Variants in KIAA1217 observed in about 807,000 individuals in gnomAD.
KIAA1217 encodes KIAA1217.
In KIAA1217, 88 loss-of-function variants were observed where a neutral mutation model predicts 163.9. That is an observed-to-expected ratio of 0.54 (90% CI 0.45 to 0.64). The LOEUF (loss-of-function observed/expected upper bound fraction) is 0.64, where lower values mean the gene tolerates loss of function less well. Ranked by LOEUF, KIAA1217 falls within the 30% of genes least tolerant of loss-of-function variation. The pLI is 0.00. For missense variants in KIAA1217, 2,372 were observed against 2,475.0 expected (o/e 0.96, Z 0.88); for synonymous variants, 903 against 923.1 (o/e 0.98, Z 0.39).
intron 1 of KIAA1217, among the ~76,000 whole-genome samples, chr10:23,796,343 A>G (rs948949431): frequency 2.0e-5 from 3 of 149,854 alleles, no homozygotes; most frequent in Admixed American, 6.6e-5. Context: ...GAGACTGCTT[A>G]TTTATTTATT....
chr10:24,065,711 C>T (rs910143318), intron 2 of KIAA1217, among the ~76,000 whole-genome samples: 3 of 152,130 alleles, frequency 2.0e-5, no homozygotes, highest in Admixed American at 1.3e-4. Context: ...AACTTTCTGT[C>T]TCATTGATCT....
chr10:23,870,487 C>A (rs2131160356), intron 1 of KIAA1217, among the ~76,000 whole-genome samples: 1 of 152,178 alleles, frequency 6.6e-6, no homozygotes, highest in East Asian at 1.9e-4. Context: ...TCAAGAAGCA[C>A]CAGGAAATTG....
chr10:23,866,586 C>A (rs368339287), intron 1 of KIAA1217, among the ~76,000 whole-genome samples: 6 of 152,018 alleles, frequency 3.9e-5, no homozygotes, highest in Middle Eastern at 3.2e-3. Context: ...TTATCTCCCC[C>A]TCCTGGGAAG....
upstream of KIAA1217, among the ~76,000 whole-genome samples, chr10:24,207,720 C>T (rs1481924791): frequency 1.3e-5 from 2 of 152,206 alleles, no homozygotes; most frequent in African/African-American, 4.8e-5. Flanking sequence ...GGGCTCTCTT[C>T]TTCCCCTCCT....
chr10:23,909,900 A>T (rs1842356201), intron 1 of KIAA1217, among the ~76,000 whole-genome samples: 1 of 152,164 alleles, frequency 6.6e-6, no homozygotes, highest in South Asian at 2.1e-4. Context: ...GAACTAATTT[A>T]CACTGCCACC....
intron 2 of KIAA1217, among the ~76,000 whole-genome samples, chr10:24,335,097 T>G (rs2046175096): frequency 6.6e-6 from 1 of 152,118 alleles, no homozygotes; most frequent in Non-Finnish European, 1.5e-5. Flanking sequence ...TACTAATACA[T>G]GCTACAACAT....
At chr10:24,023,086 G>T (rs1047775338) in intron 2 of KIAA1217, among the ~76,000 whole-genome samples, 2 of 151,518 alleles carry the variant, frequency 1.3e-5, no homozygotes, top group Non-Finnish European at 3.0e-5. Context: ...AGTAAGACAA[G>T]AATAAGAAGC....
chr10:23,712,376 A>C (rs1837314190), intron 1 of KIAA1217, among the ~76,000 whole-genome samples: 1 of 151,874 alleles, frequency 6.6e-6, no homozygotes, highest in South Asian at 2.1e-4. Context: ...AGTCAGCAGC[A>C]AGCCAAGATG....
At chr10:24,198,567 C>T (rs1165869367) in intron 2 of KIAA1217, among the ~76,000 whole-genome samples, 1 of 150,330 alleles carries the variant, frequency 6.7e-6, no homozygotes, top group Non-Finnish European at 1.5e-5. Context: ...CAAGATCGTG[C>T]CACTGCTCTT....
intron 1 of KIAA1217, among the ~76,000 whole-genome samples, chr10:23,948,184 C>G (rs761442766): frequency 3.4e-4 from 51 of 152,150 alleles, no homozygotes; most frequent in Non-Finnish European, 6.2e-4. Flanking sequence ...CCAGCTCTCA[C>G]CAGCTGTGTG....
intron 2 of KIAA1217, among the ~76,000 whole-genome samples, chr10:24,169,843 A>G (rs1386572604): frequency 1.3e-5 from 2 of 152,190 alleles, no homozygotes; most frequent in Non-Finnish European, 2.9e-5. Context: ...TATAGGACAT[A>G]AAGTATTCCA....
chr10:23,753,882 T>C (rs11013699), intron 1 of KIAA1217, among the ~76,000 whole-genome samples: 4,860 of 152,340 alleles, frequency 0.032, 130 homozygotes, highest in South Asian at 0.08. Context: ...CTTTCAACTT[T>C]GCCTTAAGAT....
chr10:24,065,315 T>C (rs1172375214), intron 2 of KIAA1217, among the ~76,000 whole-genome samples: 2 of 152,192 alleles, frequency 1.3e-5, no homozygotes, highest in Non-Finnish European at 2.9e-5. Flanking sequence ...CTGCTTTGAA[T>C]GTGTCCCAGA....
intron 2 of KIAA1217, among the ~76,000 whole-genome samples, chr10:24,110,449 A>G (rs2062804351): frequency 6.6e-6 from 1 of 152,220 alleles, no homozygotes; most frequent in Non-Finnish European, 1.5e-5. Flanking sequence ...ATACAAATTT[A>G]AAGTATTTGG....
upstream of KIAA1217, among the ~76,000 whole-genome samples, chr10:24,206,369 G>T (rs117914888): frequency 0.01 from 1,594 of 152,284 alleles, 16 homozygotes; most frequent in Non-Finnish European, 0.015. Context: ...CCAGAAAGAA[G>T]AACATCTCCA....
At chr10:23,975,086 G>A (rs1337266775) in intron 1 of KIAA1217, among the ~76,000 whole-genome samples, 9 of 152,138 alleles carry the variant, frequency 5.9e-5, no homozygotes, top group Admixed American at 5.9e-4. Context: ...GATATACACA[G>A]AAGGAAAAGA....
intron 1 of KIAA1217, among the ~76,000 whole-genome samples, chr10:23,832,375 C>T (rs554222355): frequency 2.6e-5 from 4 of 152,300 alleles, no homozygotes; most frequent in Admixed American, 6.5e-5. Flanking sequence ...ACCGCACTCC[C>T]GGAACTTCCA....
intron 17 of KIAA1217, 30 bp downstream of exon 17, chr10:24,536,923 G>C: frequency 5.6e-6 from 9 of 1,611,478 alleles, no homozygotes; most frequent in Non-Finnish European, 7.6e-6. Flanking sequence ...TTTGCCACAC[G>C]GTTGGGAGTC....
At chr10:24,190,381 C>T (rs545052585) in intron 2 of KIAA1217, among the ~76,000 whole-genome samples, 4 of 152,268 alleles carry the variant, frequency 2.6e-5, no homozygotes, top group South Asian at 2.1e-4. Context: ...AGGTCCCATG[C>T]GGTAGCCATT....
Sources: allele counts gnomAD v4.1 joint callset (sites outside exome capture counted in the v4.1 genomes callset), GRCh38; gene constraint gnomAD v4.1.1; transcripts MANE v1.5; gene names NCBI Gene and HGNC (gene_info 2026-07-23, HGNC 2026-07-21).